The following PSMA4 variants were observed in gnomAD, a reference collection of about 807,000 sequenced individuals.
The protein encoded by PSMA4 is proteasome 20S subunit alpha 4.
A neutral mutation model predicts 37.2 loss-of-function variants in PSMA4; 8 were observed. The observed-to-expected ratio is 0.22, with a 90% confidence interval of 0.13 to 0.39. The LOEUF is 0.39. Among genes scored for constraint, PSMA4 ranks in the 10% least tolerant of loss-of-function variants. The pLI, the probability that PSMA4 is intolerant of heterozygous loss-of-function variation, is 1.00. For missense variants in PSMA4, 169 were observed against 305.1 expected, an observed-to-expected ratio of 0.55 and a Z score of 3.32; for synonymous variants, 93 against 98.8, an observed-to-expected ratio of 0.94 and a Z score of 0.35.
intron 4 of PSMA4, among the ~76,000 whole-genome samples, chr15:78,543,255 A>G (rs553549990): frequency 1.3e-5 from 2 of 152,250 alleles, no homozygotes; most frequent in African/African-American, 4.8e-5. Flanking sequence ...TGGGCTTGGT[A>G]AATGCTGATT....
intron 6 of PSMA4, among the ~76,000 whole-genome samples, chr15:78,545,420 GGTCCTTTGTCT>G (rs1451034644): frequency 6.6e-6 from 1 of 152,156 alleles, no homozygotes; most frequent in Non-Finnish European, 1.5e-5. Context: ...ATTCAGCACT[GGTCCTTTGTCT>G]GTTCCCTCTT....
intron 2 of PSMA4, 58 bp from the exon 3 acceptor site, chr15:78,542,119 T>C: frequency 6.5e-7 from 1 of 1,539,010 alleles, no homozygotes; most frequent in South Asian, 1.1e-5. Context: ...TTTGTAGGCT[T>C]GCAGGAGTTG....
rs1181042585 is a variant in PSMA4, at chr15:78,545,846, G to C, written c.507+82G>C. 2.1e-6 allele frequency: 3 copies of C among 1,441,700 alleles called. No individual in the cohort carries two copies. In the African/African-American group the frequency reaches 4.2e-5, roughly 20 times the overall value. The allele number at this position is 1,441,700 out of a possible 1,614,324, so 89.3% of individuals were successfully genotyped here. A position where few individuals can be genotyped will look rare whatever the true frequency, so the allele number is the denominator to read the frequency against. On this transcript the variant is annotated intron_variant, in intron 7 of 8. Coordinates refer to ENST00000044462, the MANE Select transcript of PSMA4 (RefSeq NM_002789.6). ...TTTGCCATGGTGATGAATGTAAACA[G>C]TATTTTAAGATAGCTGCAACAACCT...
intron 1 of PSMA4, chr15:78,540,884 G>C (rs2052437157): frequency 6.6e-6 from 1 of 152,248 alleles, no homozygotes; most frequent in African/African-American, 2.4e-5. Flanking sequence ...TCAAAATAGT[G>C]CTGTGCCCGG....
At chr15:78,542,728 C>G in intron 4 of PSMA4, 83 bp downstream of exon 4, 4 of 1,294,968 alleles carry the variant, frequency 3.1e-6, no homozygotes, top group South Asian at 2.8e-5. Context: ...GAGGGCTCTT[C>G]CGTGCGATGT....
At chr15:78,542,402 G>C in intron 3 of PSMA4, 81 bp from the exon 4 acceptor site, 5 of 1,505,228 alleles carry the variant, frequency 3.3e-6, no homozygotes, top group Non-Finnish European at 3.6e-6. Context: ...TTTCTAGCTT[G>C]CTTCATTGCT....
Position 78,542,157 on chromosome 15 carries a change from CAT to C in PSMA4, c.4-19_4-18del. On this transcript the variant is annotated intron_variant, in intron 2 of 8. Coordinates refer to ENST00000044462, the MANE Select transcript of PSMA4 (RefSeq NM_002789.6). ...CTACTTTCAGTGGGTAGGAATCACT[CAT>C]GTGTTTTTCCTTTGCAGTCTCGAAG... 2 of 1,610,952 alleles carry C rather than the reference CAT, an allele frequency of 1.2e-6. No individual in the cohort carries two copies. The highest frequency in any genetic ancestry group is 1.7e-6 in the Non-Finnish European group (2 of 1,177,752).
intron 3 of PSMA4, 121 bp from the exon 4 acceptor site, chr15:78,542,358 GATTA>G: frequency 7.2e-7 from 1 of 1,386,778 alleles, no homozygotes; most frequent in African/African-American, 1.5e-5. Context: ...TCACCAGGTT[GATTA>G]TACCATAGAA....
intron 1 of PSMA4, chr15:78,541,586 T>C: frequency 5.9e-6 from 2 of 339,678 alleles, no homozygotes; most frequent in East Asian, 8.8e-5. Flanking sequence ...TATTTCTGCC[T>C]CTCCCATCTC....
At position 78,540,715 on chromosome 15, in the gene PSMA4, G is replaced by C. The variant is rs1311317360; in HGVS notation, c.-24+176G>C. 3 of 152,308 alleles carry C rather than the reference G, an allele frequency of 2.0e-5. No individual in the cohort carries two copies. In the East Asian group the frequency reaches 5.8e-4, roughly 29 times the overall value. 9.4% of individuals were successfully genotyped at this position (152,308 alleles called of 1,614,324 possible). A position where few individuals can be genotyped will look rare whatever the true frequency, so the allele number is the denominator to read the frequency against. ...CGACCGCCGGGAATGGCCCCCGCCG[G>C]CCGCCGTCGGGGGCTTCCCAGTGCC... is the stretch of plus-strand genomic sequence containing the variant. On this transcript the variant is annotated intron_variant, in intron 1 of 8. Coordinates refer to ENST00000044462, the MANE Select transcript of PSMA4 (RefSeq NM_002789.6).
chr15:78,552,094 T>G lies in PSMA4; in HGVS notation c.*3150T>G, dbSNP rs766735585. 5 of 152,190 alleles carry G rather than the reference T, an allele frequency of 3.3e-5. No individual in the cohort carries two copies. The East Asian group carries it at 9.6e-4, about 29-fold the overall frequency. 9.4% of individuals were successfully genotyped at this position (152,190 alleles called of 1,614,324 possible). A position where few individuals can be genotyped will look rare whatever the true frequency, so the allele number is the denominator to read the frequency against. ...CTAGATTCTCACGCTAGCCCCACTTTCGTCTGCTCTGTGGCATATTTTTAA... is the reference window on the plus strand; with the variant it reads ...CTAGATTCTCACGCTAGCCCCACTTGCGTCTGCTCTGTGGCATATTTTTAA... On this transcript the variant is annotated 3_prime_UTR_variant, in exon 9 of 9. Coordinates refer to ENST00000044462, the MANE Select transcript of PSMA4 (RefSeq NM_002789.6).
At chr15:78,543,262 G>A (rs985522862) in intron 4 of PSMA4, among the ~76,000 whole-genome samples, 3 of 152,286 alleles carry the variant, frequency 2.0e-5, no homozygotes, top group African/African-American at 7.2e-5. Flanking sequence ...GGTAAATGCT[G>A]ATTATCAGGG....
At chr15:78,546,769 T>A in intron 8 of PSMA4, 71 bp downstream of exon 8, 9 of 61,260 alleles carry the variant, frequency 1.5e-4, no homozygotes, top group Non-Finnish European at 1.9e-4. Flanking sequence ...GATTTTTTTC[T>A]TTTTTTTTTT....
intron 5 of PSMA4, 32 bp downstream of exon 5, chr15:78,544,299 A>T: frequency 1.3e-6 from 2 of 1,495,570 alleles, no homozygotes; most frequent in Non-Finnish European, 1.8e-6. Flanking sequence ...CTGATGATAC[A>T]GAAATTAGTT....
At position 78,541,888 on chromosome 15, in the gene PSMA4, T is replaced by G; in HGVS notation, c.-23-17T>G. The G allele has an allele frequency of 6.5e-7, 1 of 1,547,458 alleles. No individual in the cohort carries two copies. Among genetic ancestry groups the G allele is most frequent in the South Asian group, 1.1e-5 (1 of 88,630 alleles). On this transcript the variant is annotated splice_polypyrimidine_tract_variant and intron_variant, in intron 1 of 8. Coordinates refer to ENST00000044462, the MANE Select transcript of PSMA4 (RefSeq NM_002789.6). ...TGTGAATCTTATTTTAATGATGATCTGATTTTCTTTTTACAGGAACTATAT... is the reference window on the plus strand; with the variant it reads ...TGTGAATCTTATTTTAATGATGATCGGATTTTCTTTTTACAGGAACTATAT...
intron 8 of PSMA4, among the ~76,000 whole-genome samples, chr15:78,548,452 G>C (rs767308848): frequency 2.0e-5 from 3 of 152,056 alleles, no homozygotes; most frequent in Non-Finnish European, 4.4e-5. Flanking sequence ...ATTACCAGTT[G>C]AAGATTCTGG....
At chr15:78,540,695 G>C (rs988124759) in intron 1 of PSMA4, 156 bp downstream of exon 1, 1 of 152,218 alleles carries the variant, frequency 6.6e-6, no homozygotes, top group East Asian at 1.9e-4. Context: ...CGGACCGACC[G>C]CCGGGAATGG....
intron 8 of PSMA4, among the ~76,000 whole-genome samples, chr15:78,548,119 T>C (rs902856283): frequency 9.2e-5 from 14 of 151,896 alleles, no homozygotes; most frequent in African/African-American, 2.7e-4. Context: ...GTAATCCTGC[T>C]ACTCAGGAGG....
chr15:78,541,163 C>G (rs1156451008), intron 1 of PSMA4: 1 of 152,064 alleles, frequency 6.6e-6, no homozygotes, highest in African/African-American at 2.4e-5. Flanking sequence ...CCTGGGCACG[C>G]GGGCTCTCCA....
Sources: gnomAD v4.1 joint callset for allele counts (sites outside exome capture counted in the v4.1 genomes callset) on GRCh38, gnomAD v4.1.1 for gene constraint, MANE v1.5 for transcripts, NCBI Gene and HGNC (gene_info 2026-07-23, HGNC 2026-07-21) for gene names.